Variants in HTT observed in about 807,000 individuals in gnomAD.
HTT encodes the protein huntingtin.
A neutral mutation model predicts 362.3 loss-of-function variants in HTT; 104 were observed. The observed-to-expected ratio is 0.29, with a 90% CI of 0.24 to 0.34. The LOEUF is 0.34. Among genes scored for constraint, HTT ranks in the 10% least tolerant of loss-of-function variants. HTT has a pLI of 1.00. For synonymous variants in HTT, 1,577 were observed against 1,548.7 expected (o/e 1.02, Z -0.43); for missense variants, 3,301 against 3,928.6 (o/e 0.84, Z 4.27).
chr4:3,077,943 A>G (rs1448970530), intron 1 of HTT, among the ~76,000 whole-genome samples: 1 of 152,212 alleles, frequency 6.6e-6, no homozygotes, highest in Non-Finnish European at 1.5e-5. Flanking sequence ...CTCTTCTCAA[A>G]GTAAGATTGA....
chr4:3,150,131 T>G (rs933625278), intron 26 of HTT, among the ~76,000 whole-genome samples: 3 of 152,118 alleles, frequency 2.0e-5, no homozygotes, highest in African/African-American at 7.2e-5. Context: ...TAGGCCGTCT[T>G]CTCTCTTTGT....
chr4:3,079,355 C>G (rs1712765336), intron 1 of HTT, among the ~76,000 whole-genome samples: 1 of 150,854 alleles, frequency 6.6e-6, no homozygotes, highest in African/African-American at 2.4e-5. Flanking sequence ...CTCCTGGGCT[C>G]AAGTGATCCT....
chr4:3,175,983 T>C (rs1318232988), intron 33 of HTT, among the ~76,000 whole-genome samples: 1 of 151,748 alleles, frequency 6.6e-6, no homozygotes, highest in Non-Finnish European at 1.5e-5. Context: ...CCACAGTGGG[T>C]ATTGGGGTGG....
chr4:3,235,671 G>A lies in HTT; in HGVS notation c.8678G>A (p.Arg2893His), dbSNP rs574794357. ...CTCCTGCTCTCTGAGCAGCTCTCCC[G>A]CCTGGATGCAGAATCGCTGGTCAAG... is the stretch of plus-strand genomic sequence containing the variant. ...ERLLLSEQLS[R>H]LDAESLVKLS... The change falls in exon 63 of 67, where the codon CGC becomes CAC. Residue 2893 changes from arginine (R) to histidine (H), a missense_variant. Arg to His is a conservative substitution (Grantham distance 29). Around this residue, in one of 4 missense-constraint regions of HTT, gnomAD observed 753 missense variants for 1,021.3 expected, o/e 0.74. Transcript: ENST00000355072. The A allele has an allele frequency of 5.0e-6, 8 of 1,613,636 alleles. No individual in the cohort carries two copies. Among genetic ancestry groups the A allele is most frequent in the East Asian group, 2.2e-5 (1 of 44,886 alleles).
Position 3,130,067 on chromosome 4 carries a change from T to A in HTT, c.1867+20T>A. 1 of 1,577,282 alleles carries A rather than the reference T, an allele frequency of 6.3e-7. No homozygotes were observed. The highest frequency in any genetic ancestry group is 1.7e-4 in the Middle Eastern group (1 of 5,874). ...CCATGGGTATGTGGACTACAGGTGA[T>A]GCGCTACAAAGTGGTTTGTATTCAG... On this transcript the variant is annotated intron_variant, in intron 13 of 66. Coordinates refer to ENST00000355072, the MANE Select transcript of HTT (RefSeq NM_001388492.1).
chr4:3,186,706 C>T lies in HTT; in HGVS notation c.4976C>T (p.Thr1659Ile). Residue 1659 changes from threonine (T) to isoleucine (I), a missense_variant, in exon 38 of 67, where the codon ACT becomes ATT. By Grantham distance (89) the Thr-to-Ile change is moderately conservative. Coordinates refer to ENST00000355072, the MANE Select transcript of HTT (RefSeq NM_001388492.1). Reference protein sequence around the residue: ...VDMLLRSMFVTPNTMASVSTV... With the variant: ...VDMLLRSMFVIPNTMASVSTV... ...ATGCTTTTACGGAGTATGTTCGTCA[C>T]TCCAAACACAATGGTGAGTCTCTCG... 1 of 1,613,710 alleles carries T rather than the reference C, an allele frequency of 6.2e-7. No individual in the cohort carries two copies. Among genetic ancestry groups the T allele is most frequent in the Non-Finnish European group, 8.5e-7 (1 of 1,179,746 alleles).
intron 8 of HTT, among the ~76,000 whole-genome samples, chr4:3,120,636 T>C (rs1715254965): frequency 6.6e-6 from 1 of 152,182 alleles, no homozygotes; most frequent in African/African-American, 2.4e-5. Context: ...GAACTGCACA[T>C]GTGAGGGGTC....
At chr4:3,167,951 C>T (rs540616593) in intron 29 of HTT, among the ~76,000 whole-genome samples, 2 of 152,142 alleles carry the variant, frequency 1.3e-5, no homozygotes, top group African/African-American at 4.8e-5. Flanking sequence ...AGACAGAGGC[C>T]CATTTTAGCT....
intron 8 of HTT, among the ~76,000 whole-genome samples, chr4:3,118,744 G>A (rs934279877): frequency 6.6e-6 from 1 of 152,232 alleles, no homozygotes; most frequent in Non-Finnish European, 1.5e-5. Context: ...GGGTATGGAT[G>A]TGAGACTTAA....
intron 41 of HTT, among the ~76,000 whole-genome samples, chr4:3,201,233 A>G (rs1434350609): frequency 6.6e-6 from 1 of 152,192 alleles, no homozygotes; most frequent in Non-Finnish European, 1.5e-5. Context: ...TCCTGAAATA[A>G]CATTAATAGA....
rs1258981673 is a variant in HTT at position 3,074,806 on chromosome 4, G to T, written c.-20G>T. 2 of 1,511,538 alleles carry T rather than the reference G, an allele frequency of 1.3e-6. No individual in the cohort carries two copies. The highest frequency in any genetic ancestry group is 8.8e-7 in the Non-Finnish European group (1 of 1,135,946). The allele number at this position is 1,511,538 out of a possible 1,614,324, so 93.6% of individuals were successfully genotyped here. On this transcript the variant is annotated 5_prime_UTR_variant, in exon 1 of 67. Transcript: ENST00000355072. ...CGGCCCGAGGCCTCCGGGGACTGCC[G>T]TGCCGGGCGGGAGACCGCCATGGCG...
chr4:3,154,921 C>T (rs945671999), intron 27 of HTT, among the ~76,000 whole-genome samples: 7 of 151,952 alleles, frequency 4.6e-5, no homozygotes, highest in Non-Finnish European at 1.0e-4. Context: ...TTTGGAGGAC[C>T]TTTTTTTACC....
intron 60 of HTT, among the ~76,000 whole-genome samples, chr4:3,231,314 C>T (rs1304915605): frequency 6.6e-6 from 1 of 152,150 alleles, no homozygotes; most frequent in Non-Finnish European, 1.5e-5. Flanking sequence ...TCAGGAACGA[C>T]AATGCTGTCA....
chr4:3,088,601 T>G (rs1713338371), intron 2 of HTT, among the ~76,000 whole-genome samples: 1 of 152,222 alleles, frequency 6.6e-6, no homozygotes, highest in African/African-American at 2.4e-5. Flanking sequence ...TCATAAGTTT[T>G]TCTTCTGTCA....
chr4:3,137,959 A>G (rs1477756411), intron 21 of HTT, among the ~76,000 whole-genome samples: 2 of 152,154 alleles, frequency 1.3e-5, no homozygotes, highest in African/African-American at 4.8e-5. Flanking sequence ...TGCCTGCAAG[A>G]TTTTGTGTAG....
intron 53 of HTT, 106 bp from the exon 54 acceptor site, chr4:3,222,281 G>T (rs1436474846): frequency 4.9e-6 from 4 of 815,424 alleles, no homozygotes; most frequent in Non-Finnish European, 4.1e-6. Context: ...ACTGCCCTTG[G>T]CGTGGAGCCT....
rs1560598742 is a variant in HTT at position 3,217,968 on chromosome 4, C to G, written c.7242+16C>G. 5 of 1,590,650 alleles carry G rather than the reference C, an allele frequency of 3.1e-6. No homozygotes were observed. Among genetic ancestry groups the G allele is most frequent in the Non-Finnish European group, 4.3e-6 (5 of 1,169,008 alleles). The stretch of plus-strand genomic sequence containing the variant: ...GCCCCCACTGGTGAGTCTGCTCGTT[C>G]CTTGCAGAAGACCAAGTACGGTGAA... On this transcript the variant is annotated intron_variant, in intron 52 of 66. Coordinates refer to ENST00000355072, the MANE Select transcript of HTT (RefSeq NM_001388492.1).
chr4:3,177,165 T>G (rs1444140674), intron 33 of HTT, among the ~76,000 whole-genome samples, 167 bp from the exon 34 acceptor site: 1 of 152,242 alleles, frequency 6.6e-6, no homozygotes, highest in Non-Finnish European at 1.5e-5. Flanking sequence ...CTGGATGTGT[T>G]CTGCAATTAT....
chr4:3,105,558 G>T (rs1233187224), intron 5 of HTT, 122 bp downstream of exon 5: 3 of 707,052 alleles, frequency 4.2e-6, no homozygotes, highest in East Asian at 2.6e-5. Flanking sequence ...AGTCGACCTT[G>T]CCCTGTTTAT....
Sources: gnomAD v4.1 joint callset for allele counts (sites outside exome capture counted in the v4.1 genomes callset) on GRCh38, gnomAD v4.1.1 for gene constraint, gnomAD v4.1.1 regional missense constraint, MANE v1.5 for transcripts, NCBI Gene and HGNC (gene_info 2026-07-23, HGNC 2026-07-21) for gene names.